Variants in ADGRD1 observed in about 807,000 individuals in gnomAD.
The protein encoded by ADGRD1 is G-protein coupled receptor 133.
Under a neutral mutation model 113.4 loss-of-function variants are expected in ADGRD1, and 77 were observed. The observed-to-expected ratio is 0.68, with a 90% CI of 0.57 to 0.82. The LOEUF (loss-of-function observed/expected upper bound fraction) is 0.82, where lower values mean the gene tolerates loss of function less well. Among genes scored for constraint, ADGRD1 ranks in the 40% least tolerant of loss-of-function variants. ADGRD1 has a pLI of 0.00. For synonymous variants in ADGRD1, 474 were observed against 475.0 expected (o/e 1.00, Z 0.03); for missense variants, 1,036 against 1,139.1 (o/e 0.91, Z 1.30).
intron 21 of ADGRD1, among the ~76,000 whole-genome samples, chr12:131,135,704 C>T (rs570455270): frequency 2.8e-5 from 4 of 141,374 alleles, no homozygotes; most frequent in African/African-American, 7.3e-5. Flanking sequence ...CTCTCCCCTC[C>T]GTCCTGGTTC....
intron 8 of ADGRD1, among the ~76,000 whole-genome samples, chr12:130,994,986 G>T (rs1875040814): frequency 6.6e-6 from 1 of 152,224 alleles, no homozygotes; most frequent in Non-Finnish European, 1.5e-5. Flanking sequence ...CCCACCGCCT[G>T]CCTGGCTCTG....
At chr12:131,077,625 GCC>G (rs1885735509) in intron 14 of ADGRD1, among the ~76,000 whole-genome samples, 2 of 151,626 alleles carry the variant, frequency 1.3e-5, no homozygotes, top group Non-Finnish European at 2.9e-5. Flanking sequence ...GAGGGGTGGG[GCC>G]TCCGGATCCT....
At chr12:131,105,255 T>C (rs557511750) in intron 16 of ADGRD1, among the ~76,000 whole-genome samples, 5 of 152,194 alleles carry the variant, frequency 3.3e-5, no homozygotes, top group Non-Finnish European at 5.9e-5. Context: ...CATGCTTGGA[T>C]GGGGGCTGGA....
chr12:131,136,830 G>A (rs904796832), intron 22 of ADGRD1, 143 bp from the exon 23 acceptor site: 89 of 741,432 alleles, frequency 1.2e-4, no homozygotes, highest in Admixed American at 5.8e-4. Context: ...ACGCCTCTCC[G>A]TCCTCACGGG....
rs1460938661 is a variant in ADGRD1, at chr12:131,123,083, T to C, written c.2175+2170T>C. On this transcript the variant is annotated intron_variant, in intron 20 of 24. Transcript: ENST00000261654. ...TTTTTTTTTTTTTTTTGCGACAGAG[T>C]CTTCGCTCTGTCGCCCAGGCTGGAG... Among the ~76,000 whole-genome samples, 8 of 136,908 alleles carry C rather than the reference T, an allele frequency of 5.8e-5. No homozygotes were observed. In the East Asian group the frequency reaches 1.7e-3, roughly 29 times the overall value. 89.8% of individuals were successfully genotyped at this position (136,908 alleles called of 152,430 possible). A position where few individuals can be genotyped will look rare whatever the true frequency, so the allele number is the denominator to read the frequency against.
Position 130,991,008 on chromosome 12 carries a change from T to C in ADGRD1, c.746-6T>C, listed in dbSNP as rs769331293. The C allele has an allele frequency of 4.3e-6, 7 of 1,613,260 alleles. No homozygotes were observed. The African/African-American group carries it at 6.7e-5, about 15-fold the overall frequency. ...TTAGTCCTTAATCCAGCATTGTTTCTTCCAGGAAAGCATGCTTTATTGTCT... is the reference window on the plus strand; with the variant it reads ...TTAGTCCTTAATCCAGCATTGTTTCCTCCAGGAAAGCATGCTTTATTGTCT... On this transcript the variant is annotated splice_region_variant and splice_polypyrimidine_tract_variant and intron_variant, in intron 6 of 24. Coordinates refer to ENST00000261654, the MANE Select transcript of ADGRD1 (RefSeq NM_198827.5).
At chr12:130,985,644 G>A (rs1663468491) in intron 5 of ADGRD1, among the ~76,000 whole-genome samples, 1 of 151,534 alleles carries the variant, frequency 6.6e-6, no homozygotes, top group Non-Finnish European at 1.5e-5. Flanking sequence ...TCCACCTCCC[G>A]GGTTCAAGCA....
At chr12:131,115,677 T>G (rs114744787) in intron 18 of ADGRD1, among the ~76,000 whole-genome samples, 109 of 152,334 alleles carry the variant, frequency 7.2e-4, no homozygotes, top group African/African-American at 2.5e-3. Flanking sequence ...ATGTCTCTGA[T>G]GACAGGGCCA....
intron 22 of ADGRD1, among the ~76,000 whole-genome samples, 190 bp from the exon 23 acceptor site, chr12:131,136,783 C>T (rs528087960): frequency 6.6e-5 from 10 of 152,358 alleles, no homozygotes; most frequent in African/African-American, 2.4e-4. Flanking sequence ...GTCCGAGCAG[C>T]TGCCTGATTC....
At chr12:130,995,281 G>C (rs576214811) in intron 8 of ADGRD1, among the ~76,000 whole-genome samples, 128 of 152,198 alleles carry the variant, frequency 8.4e-4, no homozygotes, top group Non-Finnish European at 1.4e-3. Context: ...GTGGGGGCTG[G>C]GGTTGTTGGG....
At position 131,118,822 on chromosome 12, in the gene ADGRD1, G is replaced by A. The variant is rs147870042; in HGVS notation, c.2108+371G>A. Among the ~76,000 whole-genome samples, 6 of 152,328 alleles carry A rather than the reference G, an allele frequency of 3.9e-5. No individual in the cohort carries two copies. In the East Asian group the frequency reaches 1.2e-3, roughly 29 times the overall value. ...CCCTTTCTTGGGGTGGCCAGCAAGCGCACTGTGCAGACCGTGTGCCCAGTA... is the reference window on the plus strand; with the variant it reads ...CCCTTTCTTGGGGTGGCCAGCAAGCACACTGTGCAGACCGTGTGCCCAGTA... On this transcript the variant is annotated intron_variant, in intron 19 of 24. Coordinates refer to ENST00000261654, the MANE Select transcript of ADGRD1 (RefSeq NM_198827.5).
At chr12:131,076,499 G>A (rs1294793155) in intron 13 of ADGRD1, among the ~76,000 whole-genome samples, 1 of 152,028 alleles carries the variant, frequency 6.6e-6, no homozygotes, top group Admixed American at 6.5e-5. Context: ...GAGGGAGCCT[G>A]TGGCTGCCTG....
At chr12:131,017,614 C>T (rs1290155992) in intron 13 of ADGRD1, among the ~76,000 whole-genome samples, 1 of 147,088 alleles carries the variant, frequency 6.8e-6, no homozygotes, top group Non-Finnish European at 1.5e-5. Flanking sequence ...ACACACCCAG[C>T]ACACAAACAC....
intron 20 of ADGRD1, among the ~76,000 whole-genome samples, chr12:131,121,199 G>A (rs935195222): frequency 2.6e-5 from 4 of 152,166 alleles, no homozygotes; most frequent in African/African-American, 9.6e-5. Context: ...GCACAGGCGC[G>A]GGCTCGTCCT....
At chr12:130,960,920 C>G (rs1236050226) in intron 2 of ADGRD1, among the ~76,000 whole-genome samples, 1 of 152,176 alleles carries the variant, frequency 6.6e-6, no homozygotes, top group Non-Finnish European at 1.5e-5. Flanking sequence ...TCAGGATGAG[C>G]TACACAAAAC....
rs542243215 is a variant in ADGRD1 at position 131,060,040 on chromosome 12, A to C, written c.1474-16761A>C. 1.7e-4 allele frequency among the ~76,000 whole-genome samples: 26 copies of C among 152,354 alleles called. No individual in the cohort carries two copies. In the East Asian group the frequency reaches 4.4e-3, roughly 26 times the overall value. ...CCTTCTCTGATACCCACCACTGGGA[A>C]GGGCCATGTGCCGCAGTACTGCGGC... On this transcript the variant is annotated intron_variant, in intron 13 of 24. Coordinates refer to ENST00000261654, the MANE Select transcript of ADGRD1 (RefSeq NM_198827.5). This position sits in a 1 kb window ranked among gnomAD's most constrained non-coding sequence, Gnocchi z 4.4.
At position 131,000,405 on chromosome 12, in the gene ADGRD1, A is replaced by G. The variant is rs1164237000; in HGVS notation, c.989A>G (p.Glu330Gly). 6.2e-7 allele frequency: 1 copy of G among 1,612,994 alleles called. No individual in the cohort carries two copies. Among genetic ancestry groups the G allele is most frequent in the East Asian group, 2.2e-5 (1 of 44,870 alleles). Residue 330 changes from glutamate (E) to glycine (G), a missense_variant, in exon 9 of 25, where the codon GAG becomes GGG. By Grantham distance (98) the Glu-to-Gly change is moderately conservative. Transcript: ENST00000261654. ...TAGACCTTCTTAAAAGCCGTGGGAG[A>G]GATCCTTCTACTGCCTGGTTGGATT... ...LTKTFLKAVG[E>G]ILLLPGWIAL...
intron 18 of ADGRD1, among the ~76,000 whole-genome samples, chr12:131,110,617 C>T (rs55735207): frequency 2.6e-5 from 4 of 152,242 alleles, no homozygotes; most frequent in Non-Finnish European, 2.9e-5. Flanking sequence ...AGAGCAAGTA[C>T]ATATTTATAG....
rs116019060 is a variant in ADGRD1 at position 130,985,917 on chromosome 12, G to A, written c.491-1178G>A. Among the ~76,000 whole-genome samples, 456 of 130,822 alleles carry A rather than the reference G, an allele frequency of 3.5e-3. 2 individuals are homozygous for A. The highest frequency in any genetic ancestry group is 0.011 in the African/African-American group (431 of 39,586). The allele number at this position is 130,822 out of a possible 152,430, so 85.8% of individuals were successfully genotyped here. A position where few individuals can be genotyped will look rare whatever the true frequency, so the allele number is the denominator to read the frequency against. The stretch of plus-strand genomic sequence containing the variant: ...TGCAGCACCATTTGTTGCAACAAAT[G>A]GTTCTGTTTGTTCATTGTACTGCCT... On this transcript the variant is annotated intron_variant, in intron 5 of 24. Transcript: ENST00000261654.
Sources: gnomAD v4.1 joint callset for allele counts (sites outside exome capture counted in the v4.1 genomes callset) on GRCh38, gnomAD v4.1.1 for gene constraint, Gnocchi (gnomAD v3.1) non-coding constraint, MANE v1.5 for transcripts, NCBI Gene and HGNC (gene_info 2026-07-23, HGNC 2026-07-21) for gene names.